The following DMWD variants were observed in gnomAD, a reference collection of about 807,000 sequenced individuals.
DMWD encodes the protein dystrophia myotonica WD repeat-containing protein.
DMWD carries 19 observed loss-of-function variants against 45.8 expected under a neutral mutation model. The ratio of observed to expected loss-of-function variants is 0.41; its 90% CI spans 0.29 to 0.61. The LOEUF (loss-of-function observed/expected upper bound fraction) is 0.61, where lower values mean the gene tolerates loss of function less well. Among genes scored for constraint, DMWD ranks in the 20% least tolerant of loss-of-function variants. The probability of loss-of-function intolerance (pLI) is 0.25; values close to 1 mark genes in which losing one functional copy is unlikely to be tolerated. For missense variants in DMWD, 802 were observed against 965.2 expected, an observed-to-expected ratio of 0.83 and a Z score of 2.24; for synonymous variants, 515 against 440.5, an observed-to-expected ratio of 1.17 and a Z score of -2.12.
At position 45,792,403 on chromosome 19, in the gene DMWD, C is replaced by G. The variant is rs777889046; in HGVS notation, c.354G>C (p.Gly118=). The G allele has an allele frequency of 6.3e-7, 1 of 1,593,276 alleles. No individual in the cohort carries two copies. Among genetic ancestry groups the G allele is most frequent in the Non-Finnish European group, 8.5e-7 (1 of 1,170,664 alleles). ...GAGEPPATPA[G]LGSGGDRVCF... ...AGACGCGGTCTCCCCCCGAGCCCAG[C>G]CCCGCGGGCGTGGCGGGCGGCTCCC... The change falls in exon 1 of 5, where the codon GGG becomes GGC. Residue 118 remains glycine, a synonymous_variant. Transcript: ENST00000270223.
chr19:45,787,990 T>C (rs899067998), intron 2 of DMWD, among the ~76,000 whole-genome samples: 3 of 152,094 alleles, frequency 2.0e-5, no homozygotes, highest in South Asian at 2.1e-4. Context: ...TGAGGCAGAA[T>C]TGCTTGAACC....
In DMWD at chr19:45,784,276, T is replaced by C; in HGVS notation, c.1992A>G (p.Gln664=). 6.6e-7 allele frequency: 1 copy of C among 1,518,872 alleles called. No individual in the cohort carries two copies. The allele number at this position is 1,518,872 out of a possible 1,614,324, so 94.1% of individuals were successfully genotyped here. The change falls in exon 5 of 5, where the codon CAA becomes CAG. Residue 664 remains glutamine, a synonymous_variant. Transcript: ENST00000270223. ...CTGTGCCACTCGGGGAGTTGCCTGG[T>C]TGGGAGGAGATGCCCTGGGGAAGAT... The part of the protein sequence containing the change: ...SKSVVEGISS[Q]PGNSPSGTVV
chr19:45,790,224 T>C (rs1047414365), intron 2 of DMWD: 9 of 151,102 alleles, frequency 6.0e-5, no homozygotes, highest in African/African-American at 2.2e-4. Context: ...GGCAGGAGAA[T>C]TGCTTGAACC....
intron 2 of DMWD, among the ~76,000 whole-genome samples, chr19:45,787,566 C>A (rs1320626856): frequency 6.6e-6 from 1 of 152,180 alleles, no homozygotes; most frequent in Non-Finnish European, 1.5e-5. Flanking sequence ...AATTTCTTCA[C>A]GGAAAGGCAG....
intron 1 of DMWD, among the ~76,000 whole-genome samples, chr19:45,791,306 A>G (rs997545956): frequency 6.6e-6 from 1 of 152,072 alleles, no homozygotes; most frequent in African/African-American, 2.4e-5. Context: ...ATCCCCCTTG[A>G]CCACAGTGCC....
chr19:45,792,773 G>A lies in DMWD; in HGVS notation c.-17C>T, dbSNP rs879208919. The stretch of plus-strand genomic sequence containing the variant: ...CGCCGCCATCTTGGGCGCCCCCCGG[G>A]CCCCGCCACTGCCGGACTGCCGCCC... On this transcript the variant is annotated 5_prime_UTR_variant, in exon 1 of 5. Coordinates refer to ENST00000270223, the MANE Select transcript of DMWD (RefSeq NM_004943.2). The A allele has an allele frequency of 1.8e-6, 2 of 1,117,810 alleles. No individual in the cohort carries two copies. The highest frequency in any genetic ancestry group is 1.1e-6 in the Non-Finnish European group (1 of 915,472). 69.2% of individuals were successfully genotyped at this position (1,117,810 alleles called of 1,614,324 possible).
At chr19:45,789,925 C>G (rs1970332301) in intron 2 of DMWD, 1 of 152,232 alleles carries the variant, frequency 6.6e-6, no homozygotes, top group Non-Finnish European at 1.5e-5. Flanking sequence ...CCGAGGCGGG[C>G]AGATCACGAG....
Position 45,792,776 on chromosome 19 carries a change from C to G in DMWD, c.-20G>C. On this transcript the variant is annotated 5_prime_UTR_variant, in exon 1 of 5. Transcript: ENST00000270223. Reference sequence around the variant, plus strand: ...CGCCATCTTGGGCGCCCCCCGGGCCCCGCCACTGCCGGACTGCCGCCCGCA... The same window carrying G: ...CGCCATCTTGGGCGCCCCCCGGGCCGCGCCACTGCCGGACTGCCGCCCGCA... The G allele has an allele frequency of 1.8e-6, 2 of 1,115,138 alleles. No individual in the cohort carries two copies. The highest frequency in any genetic ancestry group is 4.3e-5 in the South Asian group (1 of 23,326). The allele number at this position is 1,115,138 out of a possible 1,614,324, so 69.1% of individuals were successfully genotyped here.
chr19:45,785,918 G>A lies in DMWD; in HGVS notation c.1578C>T (p.Leu526=), dbSNP rs367705881. ...CCCGGTCCCGCCGCTCCTGCAGTGT[G>A]AGCGTGGCGAAGCGGCCAATGCTGA... is the stretch of plus-strand genomic sequence containing the variant. ...TPFSIGRFAT[L]TLQERRDRGA... is the part of the protein sequence containing the mutation. Residue 526 remains leucine, a synonymous_variant, in exon 3 of 5, where the codon CTC becomes CTT. Coordinates refer to ENST00000270223, the MANE Select transcript of DMWD (RefSeq NM_004943.2). The A allele has an allele frequency of 6.9e-5, 111 of 1,602,572 alleles. No individual in the cohort carries two copies. The highest frequency in any genetic ancestry group is 8.9e-5 in the Non-Finnish European group (105 of 1,179,128).
In DMWD at chr19:45,791,086, G is replaced by A; in HGVS notation, c.443C>T (p.Ser148Phe). The A allele has an allele frequency of 6.2e-7, 1 of 1,607,072 alleles. No homozygotes were observed. The highest frequency in any genetic ancestry group is 8.5e-7 in the Non-Finnish European group (1 of 1,176,358). ...PGCCRRGSQR[S>F]IDLNKPIDKR... ...GTCAATTGGCTTGTTGAGGTCAATG[G>A]ACTTGAGGGGTGGGAGAAAAGGAGT... Residue 148 changes from serine to phenylalanine, a missense_variant and splice_region_variant, in exon 2 of 5, where the codon TCC becomes TTC. Transcript: ENST00000270223.
chr19:45,792,477 C>CGGCGGGCAG lies in DMWD; in HGVS notation c.271_279dup (p.Leu91_Ala93dup). On this transcript the variant is annotated inframe_insertion, in exon 1 of 5. Coordinates refer to ENST00000270223, the MANE Select transcript of DMWD (RefSeq NM_004943.2). ...CCGAGGCGCACGAGGCTGAGGCGCA[C>CGGCGGGCAG]GGCGGGCAGGGCGGGCCCGGGTCCG... 8.0e-7 allele frequency: 1 copy of CGGCGGGCAG among 1,254,148 alleles called. No individual in the cohort carries two copies. Among genetic ancestry groups the CGGCGGGCAG allele is most frequent in the Middle Eastern group, 2.3e-4 (1 of 4,338 alleles). 77.7% of individuals were successfully genotyped at this position (1,254,148 alleles called of 1,614,324 possible). A position where few individuals can be genotyped will look rare whatever the true frequency, so the allele number is the denominator to read the frequency against.
In DMWD at chr19:45,786,227, C is replaced by T. The variant is rs1970273902; in HGVS notation, c.1269G>A (p.Lys423=). 7 of 1,611,316 alleles carry T rather than the reference C, an allele frequency of 4.3e-6. No individual in the cohort carries two copies. Among genetic ancestry groups the T allele is most frequent in the Non-Finnish European group, 5.9e-6 (7 of 1,178,858 alleles). The change falls in exon 3 of 5, where the codon AAG becomes AAA. Residue 423 remains lysine, a synonymous_variant. Transcript: ENST00000270223. The part of the protein sequence containing the change: ...AGGAPLSPLP[K]AGSITYRFGS... ...CAAAGCGGTAAGTAATGGAGCCAGCCTTGGGCAGTGGAGAGAGCGGGGCGC... is the reference window on the plus strand; with the variant it reads ...CAAAGCGGTAAGTAATGGAGCCAGCTTTGGGCAGTGGAGAGAGCGGGGCGC...
chr19:45,784,829 C>A (rs58245698), intron 3 of DMWD, 114 bp from the exon 4 acceptor site: 1 of 1,469,292 alleles, frequency 6.8e-7, no homozygotes, highest in African/African-American at 1.4e-5. Context: ...CAGGACTCTA[C>A]GATTCCAAAA....
Position 45,792,574 on chromosome 19 carries a change from G to T in DMWD, c.183C>A (p.Pro61=). 1 of 1,275,100 alleles carries T rather than the reference G, an allele frequency of 7.8e-7. No individual in the cohort carries two copies. The highest frequency in any genetic ancestry group is 1.0e-6 in the Non-Finnish European group (1 of 995,228). The allele number at this position is 1,275,100 out of a possible 1,614,324, so 79.0% of individuals were successfully genotyped here. A position where few individuals can be genotyped will look rare whatever the true frequency, so the allele number is the denominator to read the frequency against. Residue 61 remains proline, a synonymous_variant, in exon 1 of 5, where the codon CCC becomes CCA. Coordinates refer to ENST00000270223, the MANE Select transcript of DMWD (RefSeq NM_004943.2). ...CGGAGGCGGAGGCAGGGCCGGGCGG[G>T]GGCTGCGGTGGCTGAGGCGGCACCG... is the stretch of plus-strand genomic sequence containing the variant. ...QTPVPPQPPQ[P]PPGPASASGP...
chr19:45,786,862 C>T lies in DMWD; in HGVS notation c.634G>A (p.Asp212Asn). ...SKLFNEERLI[D>N]KTKVTYLKWL... ...TTCAGATATGTCACCTTGGTCTTGT[C>T]GATCAACCGCTGCCAGGGGAGACAG... The change falls in exon 3 of 5, where the codon GAC becomes AAC. Residue 212 changes from aspartate (D) to asparagine (N), a missense_variant. Around this residue, in one of 9 missense-constraint regions of DMWD, gnomAD observed 38 missense variants for 76.1 expected, o/e 0.50. Transcript: ENST00000270223. 1.9e-6 allele frequency: 3 copies of T among 1,613,396 alleles called. No homozygotes were observed. The highest frequency in any genetic ancestry group is 8.5e-7 in the Non-Finnish European group (1 of 1,179,788).
chr19:45,786,948 A>G (rs1344852180), intron 2 of DMWD, 77 bp from the exon 3 acceptor site: 20 of 1,534,440 alleles, frequency 1.3e-5, no homozygotes, highest in Non-Finnish European at 1.8e-5. Context: ...CAAAGTCCCC[A>G]AGAAGGCCGT....
chr19:45,786,255 C>T lies in DMWD; in HGVS notation c.1241G>A (p.Gly414Glu). 6.2e-7 allele frequency: 1 copy of T among 1,606,848 alleles called. No homozygotes were observed. The highest frequency in any genetic ancestry group is 8.5e-7 in the Non-Finnish European group (1 of 1,175,708). Residue 414 changes from glycine (G) to glutamate (E), a missense_variant, in exon 3 of 5, where the codon GGG becomes GAG. By Grantham distance (98) the Gly-to-Glu change is moderately conservative. Coordinates refer to ENST00000270223, the MANE Select transcript of DMWD (RefSeq NM_004943.2). ...GGGCAGTGGAGAGAGCGGGGCGCCCCCGGCCGAGCCTGTGCCCGCAGCCTC... is the reference window on the plus strand; with the variant it reads ...GGGCAGTGGAGAGAGCGGGGCGCCCTCGGCCGAGCCTGTGCCCGCAGCCTC... ...EPEAAGTGSA[G>E]GAPLSPLPKA...
intron 3 of DMWD, 34 bp from the exon 4 acceptor site, chr19:45,784,749 A>G: frequency 1.2e-6 from 2 of 1,607,240 alleles, no homozygotes; most frequent in East Asian, 4.5e-5. Context: ...TTAGGACTCA[A>G]CCAGACTCCC....
rs1470737660 is a variant in DMWD at position 45,785,742 on chromosome 19, G to A, written c.1754C>T (p.Pro585Leu). ...CAGCAGGGGCACCTCGTGGATGCGCGGGCACAGCGCAGTGCCCAGCACCTT... is the reference window on the plus strand; with the variant it reads ...CAGCAGGGGCACCTCGTGGATGCGCAGGCACAGCGCAGTGCCCAGCACCTT... ...PAKVLGTALC[P>L]RIHEVPLLEP... The change falls in exon 3 of 5, where the codon CCG (proline) becomes CTG (leucine). Residue 585 changes from proline (P) to leucine (L), a missense_variant. Around this residue, in one of 9 missense-constraint regions of DMWD, gnomAD observed 303 missense variants for 332.9 expected, o/e 0.91. Transcript: ENST00000270223. The A allele has an allele frequency of 2.5e-6, 4 of 1,608,450 alleles. No individual in the cohort carries two copies. The highest frequency in any genetic ancestry group is 3.4e-6 in the Non-Finnish European group (4 of 1,176,884).
Sources: allele counts gnomAD v4.1 joint callset (sites outside exome capture counted in the v4.1 genomes callset), GRCh38; gene constraint gnomAD v4.1.1; regional missense constraint gnomAD v4.1.1; transcripts MANE v1.5; gene names NCBI Gene and HGNC (gene_info 2026-07-23, HGNC 2026-07-21).